CACNA1A: variants seen among roughly 807,000 people sequenced by gnomAD.
CACNA1A encodes the protein voltage-dependent P/Q-type calcium channel subunit alpha-1A.
A neutral mutation model predicts 262.4 loss-of-function variants in CACNA1A; 57 were observed. That is an observed-to-expected ratio of 0.22 (90% CI 0.18 to 0.27). The LOEUF is 0.27. Among genes scored for constraint, CACNA1A ranks in the 10% least tolerant of loss-of-function variants. The pLI, the probability that CACNA1A is intolerant of heterozygous loss-of-function variation, is 1.00. For missense variants in CACNA1A, 2,526 were observed against 3,562.8 expected (o/e 0.71, Z 7.41); for synonymous variants, 1,431 against 1,419.3 (o/e 1.01, Z -0.18).
chr19:13,290,601 A>G (rs1600253819), intron 19 of CACNA1A, among the ~76,000 whole-genome samples: 1 of 151,922 alleles, frequency 6.6e-6, no homozygotes, highest in Admixed American at 6.6e-5. Context: ...TTGTAGAGAC[A>G]GGGTCTCACT....
intron 3 of CACNA1A, among the ~76,000 whole-genome samples, chr19:13,438,981 C>T (rs1330401840): frequency 6.6e-6 from 1 of 151,972 alleles, no homozygotes; most frequent in East Asian, 1.9e-4. Flanking sequence ...TCAGGTGATC[C>T]ACCTGCCTTG....
At chr19:13,443,093 C>G (rs1838428542) in intron 3 of CACNA1A, among the ~76,000 whole-genome samples, 1 of 152,132 alleles carries the variant, frequency 6.6e-6, no homozygotes, top group South Asian at 2.1e-4. Context: ...CACCCTGTCA[C>G]CCAGCCTGGA....
chr19:13,465,387 CA>C (rs919880937), intron 1 of CACNA1A, among the ~76,000 whole-genome samples: 3 of 151,818 alleles, frequency 2.0e-5, no homozygotes, highest in South Asian at 4.2e-4. Flanking sequence ...TAAATGTTGC[CA>C]AAAAAAATCT....
intron 24 of CACNA1A, 115 bp downstream of exon 24, chr19:13,275,735 C>T (rs139694150): frequency 1.9e-5 from 14 of 739,864 alleles, no homozygotes; most frequent in South Asian, 3.0e-5. Flanking sequence ...CCCACGTCCC[C>T]GGAGCCCACA....
intron 25 of CACNA1A, 118 bp from the exon 26 acceptor site, chr19:13,261,728 A>G (rs1288209862): frequency 1.8e-5 from 18 of 1,004,802 alleles, no homozygotes; most frequent in East Asian, 1.3e-4. Context: ...AGGCAAGGTC[A>G]TAAGTCAAGT....
At chr19:13,315,152 T>C (rs370955048) in intron 11 of CACNA1A, 1 of 151,610 alleles carries the variant, frequency 6.6e-6, no homozygotes, top group East Asian at 1.9e-4. Context: ...TGCCAAGATA[T>C]ACATTTTTGT....
intron 1 of CACNA1A, among the ~76,000 whole-genome samples, chr19:13,502,935 A>G (rs1459821299): frequency 6.6e-6 from 1 of 152,166 alleles, no homozygotes; most frequent in Non-Finnish European, 1.5e-5. Flanking sequence ...TAAACAAGAC[A>G]GGGAGGAACC....
At chr19:13,322,555 C>T (rs1327503322) in intron 10 of CACNA1A, among the ~76,000 whole-genome samples, 2 of 151,774 alleles carry the variant, frequency 1.3e-5, no homozygotes, top group African/African-American at 4.8e-5. Context: ...TAAATGGATC[C>T]CCGTTTCCCC....
Position 13,308,299 on chromosome 19 carries a change from G to C in CACNA1A, c.1782-48C>G. On this transcript the variant is annotated intron_variant, in intron 13 of 46. Transcript: ENST00000360228. This position sits in a 1 kb window ranked among gnomAD's most constrained non-coding sequence, Gnocchi z 4.2. ...GACTCAGGCCAGGCGGGGGAGGCAG[G>C]GCCCCGGAGTCAGCCCTCGAAACAC... 1 of 1,587,400 alleles carries C rather than the reference G, an allele frequency of 6.3e-7. No individual in the cohort carries two copies. The highest frequency in any genetic ancestry group is 8.6e-7 in the Non-Finnish European group (1 of 1,164,818).
chr19:13,421,083 A>G (rs1279418608), intron 3 of CACNA1A, among the ~76,000 whole-genome samples: 2 of 152,186 alleles, frequency 1.3e-5, no homozygotes, highest in African/African-American at 4.8e-5. Context: ...AGGTCTGCCT[A>G]TTCAAGACCA....
chr19:13,459,787 T>C (rs994933693), intron 1 of CACNA1A, among the ~76,000 whole-genome samples: 8 of 152,170 alleles, frequency 5.3e-5, no homozygotes, highest in African/African-American at 1.9e-4. Context: ...GGCAGGGATG[T>C]GACTTCCTTT....
At chr19:13,321,195 G>A (rs1339731574) in intron 10 of CACNA1A, among the ~76,000 whole-genome samples, 1 of 151,814 alleles carries the variant, frequency 6.6e-6, no homozygotes, top group Non-Finnish European at 1.5e-5. Context: ...TACCACGTCC[G>A]AATAATTTTT....
chr19:13,291,242 C>T (rs1364314621), intron 19 of CACNA1A, among the ~76,000 whole-genome samples: 2 of 152,100 alleles, frequency 1.3e-5, no homozygotes, highest in Non-Finnish European at 2.9e-5. Context: ...GACACCTTGC[C>T]TGGGGCACAC....
At chr19:13,474,573 C>T (rs1356749370) in intron 1 of CACNA1A, among the ~76,000 whole-genome samples, 2 of 152,198 alleles carry the variant, frequency 1.3e-5, no homozygotes, top group African/African-American at 2.4e-5. Context: ...AATCCCAGCA[C>T]TTTGGGAGGC....
chr19:13,326,340 A>G, intron 10 of CACNA1A, among the ~76,000 whole-genome samples: 1 of 151,958 alleles, frequency 6.6e-6, no homozygotes, highest in East Asian at 1.9e-4. Flanking sequence ...AAAGAAAAAA[A>G]AATTGATATC....
At chr19:13,215,014 T>TGTG (rs2054950233) in intron 38 of CACNA1A, 3 of 151,416 alleles carry the variant, frequency 2.0e-5, no homozygotes, top group African/African-American at 7.7e-5. Flanking sequence ...GTGTGTGTGT[T>TGTG]TTTTTTTTTT....
At chr19:13,407,801 G>C (rs1463065415) in intron 3 of CACNA1A, among the ~76,000 whole-genome samples, 1 of 151,964 alleles carries the variant, frequency 6.6e-6, no homozygotes, top group Non-Finnish European at 1.5e-5. Context: ...GACCAGCCTG[G>C]GTGATATGGT....
intron 1 of CACNA1A, among the ~76,000 whole-genome samples, chr19:13,503,745 G>A (rs1982675858): frequency 6.6e-6 from 1 of 151,708 alleles, no homozygotes; most frequent in South Asian, 2.1e-4. Context: ...CCAGAGTAGG[G>A]CTGTATAATG....
chr19:13,272,125 G>C (rs2057035931), intron 24 of CACNA1A: 1 of 152,348 alleles, frequency 6.6e-6, no homozygotes, highest in Non-Finnish European at 1.5e-5. Flanking sequence ...AGAGGTCTGA[G>C]AGGAAAGTGA....
Sources: gnomAD v4.1 joint callset for allele counts (sites outside exome capture counted in the v4.1 genomes callset) on GRCh38, gnomAD v4.1.1 for gene constraint, Gnocchi (gnomAD v3.1) non-coding constraint, MANE v1.5 for transcripts, NCBI Gene and HGNC (gene_info 2026-07-23, HGNC 2026-07-21) for gene names.